The following JHY variants were observed in gnomAD, a reference collection of about 807,000 sequenced individuals.
JHY encodes jhy protein homolog.
JHY carries 69 observed loss-of-function variants against 78.0 expected under a neutral mutation model. That is an observed-to-expected ratio of 0.88 (90% CI 0.73 to 1.08). The LOEUF is 1.08. JHY is among the 50% of genes least tolerant of loss of function. The pLI is 0.00. For missense variants in JHY, 944 were observed against 927.8 expected (o/e 1.02, Z -0.23); for synonymous variants, 368 against 342.6 (o/e 1.07, Z -0.82).
intron 2 of JHY, among the ~76,000 whole-genome samples, chr11:122,887,203 TTTC>T (rs1862512917): frequency 6.6e-6 from 1 of 152,192 alleles, no homozygotes; most frequent in Non-Finnish European, 1.5e-5. Context: ...TGTGCCTCAG[TTTC>T]TTCATCAGTA....
chr11:122,904,199 A>G lies in JHY; in HGVS notation c.619A>G (p.Ser207Gly). The G allele has an allele frequency of 1.2e-6, 2 of 1,614,204 alleles. No individual in the cohort carries two copies. ...AAACTATGAGCATGGTGCCCGTCGC[A>G]GCAAGCCGTTTTCAGAGCTGAGCGA... The part of the protein sequence containing the change: ...SPNYEHGARR[S>G]KPFSELSDSD... The change falls in exon 3 of 9, where the codon AGC (serine) becomes GGC (glycine). Residue 207 changes from serine to glycine, a missense_variant. Transcript: ENST00000227349.
At chr11:122,891,721 G>A (rs1226432849) in intron 2 of JHY, among the ~76,000 whole-genome samples, 1 of 151,990 alleles carries the variant, frequency 6.6e-6, no homozygotes, top group East Asian at 1.9e-4. Flanking sequence ...GAGCCTCTTG[G>A]ATAGGCATTA....
At chr11:122,887,572 T>C (rs112208793) in intron 2 of JHY, among the ~76,000 whole-genome samples, 17,028 of 151,994 alleles carry the variant, frequency 0.11, 1,057 homozygotes, top group African/African-American at 0.13. Context: ...CCGCCCACCT[T>C]GGACTCCCAA....
Position 122,948,005 on chromosome 11 carries a change from A to G in JHY, c.1929+1213A>G, listed in dbSNP as rs527532567. On this transcript the variant is annotated intron_variant, in intron 6 of 8. Transcript: ENST00000227349. Reference sequence around the variant, plus strand: ...GCTCCACGTGGCTGAGGCAGTGTTTAGGGAGGAACTCAGCTGTGAGCCATC... The same window carrying G: ...GCTCCACGTGGCTGAGGCAGTGTTTGGGGAGGAACTCAGCTGTGAGCCATC... 3.3e-5 allele frequency among the ~76,000 whole-genome samples: 5 copies of G among 152,246 alleles called. No individual in the cohort carries two copies. In the South Asian group the frequency reaches 1.0e-3, roughly 32 times the overall value.
At chr11:122,900,954 T>C (rs112673623) in intron 2 of JHY, among the ~76,000 whole-genome samples, 2,522 of 152,294 alleles carry the variant, frequency 0.017, 72 homozygotes, top group African/African-American at 0.057. Flanking sequence ...TAGGCAACAA[T>C]TCACAGTTCT....
rs1428302277 is a variant in JHY at position 122,882,974 on chromosome 11, T to A, written c.-90+2T>A. 6.6e-6 allele frequency: 1 copy of A among 151,954 alleles called. No homozygotes were observed. The highest frequency in any genetic ancestry group is 1.5e-5 in the Non-Finnish European group (1 of 67,808). 9.4% of individuals were successfully genotyped at this position (151,954 alleles called of 1,614,324 possible). A position where few individuals can be genotyped will look rare whatever the true frequency, so the allele number is the denominator to read the frequency against. ...CGGCCGCGGAGGAGCGCCGGGCAGG[T>A]GACGGGCGGTGGCCTCCCGGATCTG... On this transcript the variant is annotated splice_donor_variant, in intron 1 of 8. Transcript: ENST00000227349. LOFTEE classifies it low-confidence loss of function (5UTR_SPLICE).
chr11:122,945,113 AGCT>A (rs1350164242), intron 5 of JHY, among the ~76,000 whole-genome samples: 2 of 152,184 alleles, frequency 1.3e-5, no homozygotes, highest in Non-Finnish European at 2.9e-5. Flanking sequence ...AACCCCAAAT[AGCT>A]GTGTGTTAGA....
chr11:122,900,511 C>CTTTTTT (rs374998954), intron 2 of JHY, among the ~76,000 whole-genome samples: 61 of 65,038 alleles, frequency 9.4e-4, no homozygotes, highest in Non-Finnish European at 1.2e-3. Flanking sequence ...ATACTACCAG[C>CTTTTTT]TTTTTTTTTT....
intron 2 of JHY, among the ~76,000 whole-genome samples, chr11:122,902,251 G>A (rs1205086650): frequency 6.6e-6 from 1 of 151,850 alleles, no homozygotes; most frequent in Non-Finnish European, 1.5e-5. Flanking sequence ...GAGGCCAGGA[G>A]GTCAAGATCA....
At chr11:122,918,705 A>G (rs1863286892) in intron 3 of JHY, among the ~76,000 whole-genome samples, 1 of 151,410 alleles carries the variant, frequency 6.6e-6, no homozygotes, top group African/African-American at 2.5e-5. Context: ...TTCTGATATA[A>G]ATGCAAGTTC....
intron 4 of JHY, among the ~76,000 whole-genome samples, chr11:122,932,729 A>G (rs1393790346): frequency 1.3e-5 from 2 of 152,222 alleles, no homozygotes; most frequent in South Asian, 2.1e-4. Context: ...ATATTGTAAT[A>G]TAGCAATTAT....
chr11:122,898,938 C>T lies in JHY; in HGVS notation c.345-4987C>T. Among the ~76,000 whole-genome samples, 2 of 152,112 alleles carry T rather than the reference C, an allele frequency of 1.3e-5. 1 individual carries two copies. Among genetic ancestry groups the T allele is most frequent in the Middle Eastern group, 6.3e-3 (2 of 316 alleles). On this transcript the variant is annotated intron_variant, in intron 2 of 8. Transcript: ENST00000227349. The surrounding 1 kb of genome is among the most constrained non-coding windows in gnomAD (Gnocchi z 4.4). ...TATGAAAGCACCACATTGTCTCTGCCTCCTCTCCTTTTTACATGCTGTTCC... is the reference window on the plus strand; with the variant it reads ...TATGAAAGCACCACATTGTCTCTGCTTCCTCTCCTTTTTACATGCTGTTCC...
chr11:122,887,608 A>C (rs1292214019), intron 2 of JHY, among the ~76,000 whole-genome samples: 2 of 150,400 alleles, frequency 1.3e-5, no homozygotes, highest in Non-Finnish European at 3.0e-5. Flanking sequence ...GGCGTGAGCC[A>C]CTGTGCCCGG....
chr11:122,907,775 G>T (rs1863025993), intron 3 of JHY, among the ~76,000 whole-genome samples: 1 of 150,160 alleles, frequency 6.7e-6, no homozygotes, highest in Non-Finnish European at 1.5e-5. Flanking sequence ...ACCCAGGGCG[G>T]TGAGCCGAGA....
chr11:122,957,147 A>G (rs1864210321), intron 7 of JHY, among the ~76,000 whole-genome samples: 1 of 152,184 alleles, frequency 6.6e-6, no homozygotes, highest in Admixed American at 6.5e-5. Flanking sequence ...ACCGGGCGTG[A>G]TATTGCAGTG....
chr11:122,924,847 A>G (rs758285924), intron 3 of JHY, 50 bp from the exon 4 acceptor site: 2 of 1,459,814 alleles, frequency 1.4e-6, no homozygotes, highest in East Asian at 2.3e-5. Context: ...CCATGGCTCT[A>G]AGACTAAAAT....
At chr11:122,885,350 C>A (rs1862473314) in intron 1 of JHY, among the ~76,000 whole-genome samples, 1 of 152,146 alleles carries the variant, frequency 6.6e-6, no homozygotes. Context: ...ACCTGTTTTA[C>A]TCTATCCATG....
intron 3 of JHY, among the ~76,000 whole-genome samples, chr11:122,912,613 A>T (rs1863154672): frequency 6.6e-6 from 1 of 152,010 alleles, no homozygotes; most frequent in Non-Finnish European, 1.5e-5. Context: ...ATGATGGGGC[A>T]CGCCTGTAGT....
At chr11:122,957,039 AAG>A (rs1181135837) in intron 7 of JHY, among the ~76,000 whole-genome samples, 1 of 152,206 alleles carries the variant, frequency 6.6e-6, no homozygotes, top group African/African-American at 2.4e-5. Flanking sequence ...AAGGCATAAA[AAG>A]AGAGTATAGT....
Sources: gnomAD v4.1 joint callset for allele counts (sites outside exome capture counted in the v4.1 genomes callset) on GRCh38, gnomAD v4.1.1 for gene constraint, Gnocchi (gnomAD v3.1) non-coding constraint, MANE v1.5 for transcripts, NCBI Gene and HGNC (gene_info 2026-07-23, HGNC 2026-07-21) for gene names.